The following SNTG1 variants were observed in gnomAD, a reference collection of about 807,000 sequenced individuals.
SNTG1 encodes syntrophin gamma 1, also known as gamma-1-syntrophin.
SNTG1 carries 39 observed loss-of-function variants against 74.7 expected under a neutral mutation model. The ratio of observed to expected loss-of-function variants is 0.52; its 90% CI spans 0.40 to 0.68. SNTG1 has a LOEUF of 0.68. SNTG1 is among the 30% of genes least tolerant of loss of function. The pLI, the probability that SNTG1 is intolerant of heterozygous loss-of-function variation, is 0.00. For missense variants in SNTG1, 685 were observed against 609.5 expected, an observed-to-expected ratio of 1.12 and a Z score of -1.30; for synonymous variants, 254 against 217.1, an observed-to-expected ratio of 1.17 and a Z score of -1.49.
At chr8:50,411,282 A>G (rs1005159358) in intron 4 of SNTG1, among the ~76,000 whole-genome samples, 3 of 151,632 alleles carry the variant, frequency 2.0e-5, no homozygotes, top group African/African-American at 7.3e-5. Flanking sequence ...CCCCTTCTCT[A>G]CTAAAAATAC....
At chr8:50,149,205 G>T (rs954398321) in intron 1 of SNTG1, among the ~76,000 whole-genome samples, 2 of 152,162 alleles carry the variant, frequency 1.3e-5, no homozygotes, top group Admixed American at 6.5e-5. Context: ...AGAAGTGTCT[G>T]TTCATATCCT....
intron 2 of SNTG1, among the ~76,000 whole-genome samples, chr8:50,322,080 T>A (rs1016926762): frequency 1.7e-4 from 25 of 151,420 alleles, no homozygotes; most frequent in African/African-American, 6.0e-4. Flanking sequence ...AACATCTTTT[T>A]TTTCAGATTG....
chr8:50,035,518 A>G (rs1818081755), intron 1 of SNTG1, among the ~76,000 whole-genome samples: 1 of 152,192 alleles, frequency 6.6e-6, no homozygotes, highest in South Asian at 2.1e-4. Context: ...GATTTTAGAA[A>G]CATAGAAGTC....
intron 5 of SNTG1, among the ~76,000 whole-genome samples, chr8:50,443,940 C>T (rs1482677526): frequency 2.6e-5 from 4 of 151,930 alleles, no homozygotes; most frequent in Non-Finnish European, 5.9e-5. Context: ...TTGAGACCAG[C>T]TTGACCAACA....
At chr8:50,727,107 T>A (rs1361843375) in intron 17 of SNTG1, among the ~76,000 whole-genome samples, 1 of 152,088 alleles carries the variant, frequency 6.6e-6, no homozygotes, top group African/African-American at 2.4e-5. Context: ...AGAGAAAAGG[T>A]ATCTAAACTA....
chr8:50,188,905 G>A (rs1017382712), intron 2 of SNTG1, among the ~76,000 whole-genome samples: 1 of 152,112 alleles, frequency 6.6e-6, no homozygotes, highest in African/African-American at 2.4e-5. Context: ...TCCCTGAGGT[G>A]TACTCTATCA....
At chr8:50,568,834 C>A (rs4873466) in intron 12 of SNTG1, 92,249 of 152,004 alleles carry the variant, frequency 0.61, 30,738 homozygotes, top group East Asian at 0.78. Flanking sequence ...TTCCATTCAT[C>A]GCTCCATCTT....
chr8:50,114,988 G>A (rs1438369876), intron 1 of SNTG1, among the ~76,000 whole-genome samples: 1 of 152,046 alleles, frequency 6.6e-6, no homozygotes, highest in Non-Finnish European at 1.5e-5. Flanking sequence ...CATCATGTTG[G>A]ACACCTTGAA....
intron 1 of SNTG1, among the ~76,000 whole-genome samples, chr8:50,105,527 G>T (rs1586295714): frequency 1.3e-5 from 2 of 151,458 alleles, no homozygotes; most frequent in South Asian, 4.2e-4. Context: ...TGGCTCTTTG[G>T]GCTCTTTTTT....
intron 13 of SNTG1, among the ~76,000 whole-genome samples, chr8:50,654,008 T>C (rs1294587346): frequency 6.6e-6 from 1 of 152,208 alleles, no homozygotes; most frequent in African/African-American, 2.4e-5. Flanking sequence ...AGTTTTACTA[T>C]GCTCTTTGCT....
intron 1 of SNTG1, among the ~76,000 whole-genome samples, chr8:50,022,623 T>G (rs1047518579): frequency 1.6e-4 from 24 of 152,202 alleles, no homozygotes; most frequent in South Asian, 6.2e-4. Context: ...TTAAGTGGAA[T>G]ACAGTGGTAG....
In SNTG1 at chr8:50,796,339, G is replaced by A. The variant is rs1802811058; in HGVS notation, c.*3510G>A. The A allele has an allele frequency of 6.6e-6, 1 of 151,768 alleles. No individual in the cohort carries two copies. Among genetic ancestry groups the A allele is most frequent in the African/African-American group, 2.4e-5 (1 of 41,362 alleles). The allele number at this position is 151,768 out of a possible 1,614,324, so 9.4% of individuals were successfully genotyped here. A position where few individuals can be genotyped will look rare whatever the true frequency, so the allele number is the denominator to read the frequency against. ...TGCTGTGCTCATAATTTCTCCTTATGAAATTGCTTTATTCATACTTCTAAA... is the reference window on the plus strand; with the variant it reads ...TGCTGTGCTCATAATTTCTCCTTATAAAATTGCTTTATTCATACTTCTAAA... On this transcript the variant is annotated 3_prime_UTR_variant, in exon 19 of 19. Coordinates refer to ENST00000642720, the MANE Select transcript of SNTG1 (RefSeq NM_018967.5).
In SNTG1 at chr8:50,795,259, AC is replaced by A. The variant is rs1802753807; in HGVS notation, c.*2431del. 1 of 152,072 alleles carries A rather than the reference AC, an allele frequency of 6.6e-6. No homozygotes were observed. Among genetic ancestry groups the A allele is most frequent in the Admixed American group, 6.6e-5 (1 of 15,216 alleles). The allele number at this position is 152,072 out of a possible 1,614,324, so 9.4% of individuals were successfully genotyped here. ...GTGATTTTTATTTAACATGATTAGT[AC>A]AACAGCCAAAAAGTAACAAAATACT... On this transcript the variant is annotated 3_prime_UTR_variant, in exon 19 of 19. Coordinates refer to ENST00000642720, the MANE Select transcript of SNTG1 (RefSeq NM_018967.5).
intron 2 of SNTG1, among the ~76,000 whole-genome samples, chr8:50,198,925 T>TTA (rs1464261808): frequency 6.6e-6 from 1 of 152,196 alleles, no homozygotes; most frequent in Admixed American, 6.6e-5. Flanking sequence ...TTGTTAAATG[T>TTA]GATCCTGGTC....
intron 2 of SNTG1, among the ~76,000 whole-genome samples, chr8:50,250,014 A>G (rs1370686858): frequency 6.6e-6 from 1 of 152,094 alleles, no homozygotes; most frequent in Non-Finnish European, 1.5e-5. Context: ...AGAATTACTA[A>G]TAATGATTTC....
intron 1 of SNTG1, among the ~76,000 whole-genome samples, chr8:50,139,938 C>A (rs2081601180): frequency 6.6e-6 from 1 of 152,164 alleles, no homozygotes; most frequent in South Asian, 2.1e-4. Flanking sequence ...AATAGTCTTG[C>A]CAAATTCAGT....
intron 15 of SNTG1, among the ~76,000 whole-genome samples, chr8:50,667,390 A>G (rs1174111571): frequency 6.6e-6 from 1 of 152,090 alleles, no homozygotes; most frequent in South Asian, 2.1e-4. Context: ...TTAATAAGGA[A>G]CAGAGGTTTA....
chr8:50,160,541 A>G (rs1274641964), intron 1 of SNTG1, among the ~76,000 whole-genome samples: 2 of 152,154 alleles, frequency 1.3e-5, no homozygotes, highest in Non-Finnish European at 2.9e-5. Flanking sequence ...TATCACAACT[A>G]GGATAGTTTC....
chr8:50,771,111 C>G (rs2095626092), intron 18 of SNTG1, among the ~76,000 whole-genome samples: 2 of 151,958 alleles, frequency 1.3e-5, no homozygotes, highest in African/African-American at 4.8e-5. Flanking sequence ...GGAAGTGGCA[C>G]TGGAAGTGGG....
Sources: allele counts gnomAD v4.1 joint callset (sites outside exome capture counted in the v4.1 genomes callset), GRCh38; gene constraint gnomAD v4.1.1; transcripts MANE v1.5; gene names NCBI Gene and HGNC (gene_info 2026-07-23, HGNC 2026-07-21).